NTN1: variants seen among roughly 807,000 people sequenced by gnomAD.
NTN1 encodes the protein netrin-1.
In NTN1, 11 loss-of-function variants were observed where a neutral mutation model predicts 54.2. The ratio of observed to expected loss-of-function variants is 0.20; its 90% CI spans 0.13 to 0.34. NTN1 has a LOEUF of 0.34. Ranked by LOEUF, NTN1 falls within the 10% of genes least tolerant of loss-of-function variation. The pLI is 1.00. For missense variants in NTN1, 740 were observed against 893.1 expected, an observed-to-expected ratio of 0.83 and a Z score of 2.18; for synonymous variants, 371 against 382.0, an observed-to-expected ratio of 0.97 and a Z score of 0.33.
intron 6 of NTN1, among the ~76,000 whole-genome samples, chr17:9,227,357 ACAT>A (rs1199653309): frequency 2.8e-5 from 4 of 145,418 alleles, no homozygotes; most frequent in Non-Finnish European, 4.5e-5. Context: ...AGTCACACTC[ACAT>A]CATACACACA....
the NTN1 span, among the ~76,000 whole-genome samples, chr17:9,008,469 G>A: frequency 2.2e-4 from 34 of 152,130 alleles, no homozygotes; most frequent in South Asian, 2.9e-3. Context: ...ACAGGCATGT[G>A]TCACCACGCC....
chr17:9,182,726 G>A (rs989176939), intron 4 of NTN1, among the ~76,000 whole-genome samples, 190 bp from the exon 5 acceptor site: 4 of 152,198 alleles, frequency 2.6e-5, no homozygotes, highest in African/African-American at 7.2e-5. Context: ...AAAACGCCAC[G>A]TGCCCAGGAT....
chr17:9,202,535 T>C (rs900334798), intron 5 of NTN1, among the ~76,000 whole-genome samples: 5 of 152,200 alleles, frequency 3.3e-5, no homozygotes, highest in African/African-American at 4.8e-5. Flanking sequence ...TGTGAGAAGG[T>C]AGCAGAATTT....
chr17:9,042,362 C>G (rs2091924758), intron 2 of NTN1, among the ~76,000 whole-genome samples: 1 of 151,526 alleles, frequency 6.6e-6, no homozygotes, highest in Non-Finnish European at 1.5e-5. Flanking sequence ...GCGCGCCTCT[C>G]TAGTCTCAGT....
chr17:9,075,445 G>C (rs972806389), intron 2 of NTN1, among the ~76,000 whole-genome samples: 1 of 152,148 alleles, frequency 6.6e-6, no homozygotes, highest in Non-Finnish European at 1.5e-5. Flanking sequence ...TCACGCCACT[G>C]CACTCCAGCT....
At position 9,212,644 on chromosome 17, in the gene NTN1, C is replaced by T. The variant is rs1444892504; in HGVS notation, c.1412-8524C>T. Among the ~76,000 whole-genome samples, 5 of 152,234 alleles carry T rather than the reference C, an allele frequency of 3.3e-5. No homozygotes were observed. The highest frequency in any genetic ancestry group is 2.1e-4 in the South Asian group (1 of 4,830). On this transcript the variant is annotated intron_variant, in intron 5 of 6. Transcript: ENST00000173229. This position sits in a 1 kb window ranked among gnomAD's most constrained non-coding sequence, Gnocchi z 5.5. ...GGGAGAACCAGGGGCTCCTCCCCTA[C>T]GCCCAGCCCTTGGCGTCTGCAACTT...
rs866532359 is a variant in NTN1 at position 9,022,269 on chromosome 17, C to T, written c.-63-42C>T. The T allele has an allele frequency of 1.3e-5, 15 of 1,185,798 alleles. No individual in the cohort carries two copies. In the Admixed American group the frequency reaches 2.6e-4, roughly 20 times the overall value. The allele number at this position is 1,185,798 out of a possible 1,614,324, so 73.5% of individuals were successfully genotyped here. ...CGCCACCCCGCCGAGAGCTGGAGGG[C>T]GCGGGGCGGGCTGGCTGAGCGCAGC... On this transcript the variant is annotated intron_variant, in intron 1 of 6. Transcript: ENST00000173229.
At chr17:9,224,663 G>T (rs1473739867) in intron 6 of NTN1, among the ~76,000 whole-genome samples, 1 of 152,228 alleles carries the variant, frequency 6.6e-6, no homozygotes, top group Non-Finnish European at 1.5e-5. Context: ...AGAGCTGCGG[G>T]CCAGCCCTGT....
chr17:9,023,441 G>A, intron 2 of NTN1, 50 bp downstream of exon 2: 2 of 1,341,746 alleles, frequency 1.5e-6, no homozygotes, highest in Non-Finnish European at 1.9e-6. Flanking sequence ...CCGCGGGCGG[G>A]AGCTGCTGGG....
At chr17:9,228,836 G>GTGTA (rs2142366941) in intron 6 of NTN1, among the ~76,000 whole-genome samples, 2 of 138,772 alleles carry the variant, frequency 1.4e-5, no homozygotes, top group Admixed American at 1.4e-4. Context: ...GTGTGTGTGT[G>GTGTA]TGTGTGTGTG....
At chr17:9,224,811 G>GGGGGGGC (rs71361878) in intron 6 of NTN1, among the ~76,000 whole-genome samples, 42 of 151,292 alleles carry the variant, frequency 2.8e-4, no homozygotes, top group Non-Finnish European at 3.7e-4. Context: ...GGGTGGGGGG[G>GGGGGGGC]CACAGTGGGA....
intron 5 of NTN1, among the ~76,000 whole-genome samples, chr17:9,194,740 A>G (rs866249756): frequency 1.4e-4 from 22 of 152,248 alleles, no homozygotes; most frequent in Middle Eastern, 3.4e-3. Flanking sequence ...AGGTTGCTAG[A>G]ACTCTGGTCC....
rs533757555 is a variant in NTN1, at chr17:9,221,153, C to G, written c.1412-15C>G. 5.8e-6 allele frequency: 9 copies of G among 1,553,602 alleles called. No homozygotes were observed. Among genetic ancestry groups the G allele is most frequent in the East Asian group, 4.5e-5 (2 of 44,446 alleles). ...AATTAGTTTTTGTCTGTGCTCCCCC[C>G]CCACCCCCCTGCAGACTGCGATTCC... On this transcript the variant is annotated splice_polypyrimidine_tract_variant and intron_variant, in intron 5 of 6. Transcript: ENST00000173229. The surrounding 1 kb of genome is among the most constrained non-coding windows in gnomAD (Gnocchi z 4.5).
chr17:9,152,193 A>G (rs1016479189), intron 2 of NTN1, among the ~76,000 whole-genome samples: 2 of 152,148 alleles, frequency 1.3e-5, no homozygotes, highest in African/African-American at 4.8e-5. Context: ...CTCACCGCCA[A>G]GGTCCACGGC....
At chr17:9,218,488 C>T (rs972300571) in intron 5 of NTN1, among the ~76,000 whole-genome samples, 2 of 152,186 alleles carry the variant, frequency 1.3e-5, no homozygotes, top group African/African-American at 2.4e-5. Context: ...TGTAATTAGG[C>T]AGTGATGGAT....
At chr17:9,187,473 C>T (rs2092436688) in intron 5 of NTN1, among the ~76,000 whole-genome samples, 1 of 152,076 alleles carries the variant, frequency 6.6e-6, no homozygotes, top group East Asian at 1.9e-4. Context: ...TGAACAGATA[C>T]ACAGAATGTG....
chr17:9,067,365 C>T, intron 2 of NTN1, among the ~76,000 whole-genome samples: 1 of 151,964 alleles, frequency 6.6e-6, no homozygotes, highest in Non-Finnish European at 1.5e-5. Context: ...GAGTATGAAG[C>T]AGGGGTATGT....
intron 2 of NTN1, among the ~76,000 whole-genome samples, chr17:9,122,196 C>CGA: frequency 6.6e-6 from 1 of 152,286 alleles, no homozygotes. Context: ...CGCCACCACA[C>CGA]CCAGCTAATT....
At chr17:9,112,480 G>A (rs200061281) in intron 2 of NTN1, among the ~76,000 whole-genome samples, 1 of 152,036 alleles carries the variant, frequency 6.6e-6, no homozygotes, top group Non-Finnish European at 1.5e-5. Flanking sequence ...GTGTCTTTTC[G>A]TTGTCTGCTC....
Sources: allele counts gnomAD v4.1 joint callset (sites outside exome capture counted in the v4.1 genomes callset), GRCh38; gene constraint gnomAD v4.1.1; non-coding constraint Gnocchi (gnomAD v3.1); transcripts MANE v1.5; gene names NCBI Gene and HGNC (gene_info 2026-07-23, HGNC 2026-07-21).